Variants in LMNTD1 observed in about 807,000 individuals in gnomAD.
LMNTD1 encodes lamin tail domain-containing protein 1.
In LMNTD1, 35 loss-of-function variants were observed where a neutral mutation model predicts 50.9. That is an observed-to-expected ratio of 0.69 (90% CI 0.53 to 0.91). The LOEUF (loss-of-function observed/expected upper bound fraction) is 0.91. Ranked by LOEUF, LMNTD1 falls within the 40% of genes least tolerant of loss-of-function variation. The pLI is 0.00. For synonymous variants in LMNTD1, 153 were observed against 161.9 expected, an observed-to-expected ratio of 0.94 and a Z score of 0.42; for missense variants, 470 against 475.5, an observed-to-expected ratio of 0.99 and a Z score of 0.11.
intron 4 of LMNTD1, among the ~76,000 whole-genome samples, chr12:25,532,152 A>G (rs1565981695): frequency 1.3e-5 from 2 of 152,058 alleles, no homozygotes; most frequent in Non-Finnish European, 1.5e-5. Flanking sequence ...TCTTTTGTAT[A>G]CGTTGTTTTT....
chr12:25,534,702 A>G (rs2136140800), intron 4 of LMNTD1, among the ~76,000 whole-genome samples: 1 of 152,364 alleles, frequency 6.6e-6, no homozygotes, highest in Admixed American at 6.5e-5. Context: ...CAGTACTTGA[A>G]GCTGTCACAG....
chr12:25,621,915 C>G (rs1188630556), intron 1 of LMNTD1, among the ~76,000 whole-genome samples: 3 of 152,176 alleles, frequency 2.0e-5, no homozygotes, highest in Non-Finnish European at 4.4e-5. Flanking sequence ...ATGTGATTGC[C>G]TCCATAGTAA....
chr12:25,610,223 A>G (rs1394934565), intron 1 of LMNTD1, among the ~76,000 whole-genome samples: 1 of 152,024 alleles, frequency 6.6e-6, no homozygotes, highest in Non-Finnish European at 1.5e-5. Context: ...CAGAGTCCCA[A>G]TTTTCCCAGT....
intron 9 of LMNTD1, chr12:25,503,164 G>A (rs2135945845): frequency 6.6e-6 from 1 of 152,338 alleles, no homozygotes; most frequent in Admixed American, 6.5e-5. Context: ...ACACCACCTT[G>A]TCATTAGCTA....
At chr12:25,513,811 C>A (rs1046569850) in intron 8 of LMNTD1, among the ~76,000 whole-genome samples, 2 of 151,942 alleles carry the variant, frequency 1.3e-5, no homozygotes, top group Non-Finnish European at 2.9e-5. Flanking sequence ...GCAGTAGCAA[C>A]AATAATAACA....
chr12:25,623,189 A>G (rs1293897895), intron 1 of LMNTD1, among the ~76,000 whole-genome samples: 7 of 152,108 alleles, frequency 4.6e-5, no homozygotes, highest in Non-Finnish European at 1.0e-4. Context: ...GGGTGTTGCT[A>G]TGTTAAAGCA....
Position 25,483,329 on chromosome 12 carries a change from A to C in LMNTD1, c.*23-6869T>G, listed in dbSNP as rs553410581. ...GTCCCAGCTACTCGGGAGGCTGAGG[A>C]GGGAGGATTGCTTGAGTTCAGGGGT... On this transcript the variant is annotated intron_variant, in intron 9 of 9. Transcript: ENST00000458174. Among the ~76,000 whole-genome samples the C allele has an allele frequency of 7.2e-4, 109 of 150,724 alleles. 1 individual carries two copies. The highest frequency in any genetic ancestry group is 4.7e-4 in the Non-Finnish European group (32 of 67,426).
At chr12:25,585,919 T>C (rs149416220) in intron 1 of LMNTD1, 2 of 152,326 alleles carry the variant, frequency 1.3e-5, no homozygotes, top group African/African-American at 4.8e-5. Flanking sequence ...ATTTTACAGA[T>C]GAAGAAACTA....
intron 8 of LMNTD1, among the ~76,000 whole-genome samples, chr12:25,508,250 T>C (rs558309408): frequency 6.6e-6 from 1 of 152,334 alleles, no homozygotes; most frequent in Admixed American, 6.5e-5. Flanking sequence ...CATGTCAGTG[T>C]TCTAGAAGCA....
At chr12:25,608,445 T>C (rs538442142) in intron 1 of LMNTD1, among the ~76,000 whole-genome samples, 1 of 152,346 alleles carries the variant, frequency 6.6e-6, no homozygotes, top group East Asian at 1.9e-4. Flanking sequence ...CTTTACAATT[T>C]GGCATGTTTT....
At chr12:25,497,237 A>G (rs1056295579) in intron 9 of LMNTD1, among the ~76,000 whole-genome samples, 1 of 152,032 alleles carries the variant, frequency 6.6e-6, no homozygotes, top group Non-Finnish European at 1.5e-5. Flanking sequence ...ACTGAGGTGG[A>G]GCCTTGGGTT....
intron 1 of LMNTD1, among the ~76,000 whole-genome samples, chr12:25,581,407 A>G (rs1330391454): frequency 1.3e-5 from 2 of 152,210 alleles, no homozygotes; most frequent in Non-Finnish European, 2.9e-5. Context: ...GGGTAATGTT[A>G]TCATAGTTAT....
intron 1 of LMNTD1, among the ~76,000 whole-genome samples, chr12:25,590,448 T>A (rs1262427120): frequency 6.6e-6 from 1 of 152,108 alleles, no homozygotes; most frequent in Non-Finnish European, 1.5e-5. Context: ...CTGGGGCCCT[T>A]AATAAACTTG....
intron 1 of LMNTD1, among the ~76,000 whole-genome samples, chr12:25,610,288 G>A (rs1453277824): frequency 1.3e-5 from 2 of 152,256 alleles, no homozygotes; most frequent in South Asian, 4.1e-4. Flanking sequence ...GGCCCCTTGT[G>A]CTTCCTGGGT....
intron 8 of LMNTD1, among the ~76,000 whole-genome samples, chr12:25,511,724 G>A (rs897833030): frequency 2.3e-4 from 35 of 152,144 alleles, no homozygotes; most frequent in African/African-American, 6.5e-4. Flanking sequence ...TCATAATACA[G>A]TTGAAACTCT....
intron 2 of LMNTD1, among the ~76,000 whole-genome samples, chr12:25,552,222 C>T (rs954643095): frequency 3.9e-5 from 6 of 152,066 alleles, no homozygotes; most frequent in African/African-American, 1.2e-4. Flanking sequence ...AACATTCTTA[C>T]GGACATTTCC....
At chr12:25,604,163 A>C (rs534679680) in intron 1 of LMNTD1, among the ~76,000 whole-genome samples, 1 of 152,186 alleles carries the variant, frequency 6.6e-6, no homozygotes, top group South Asian at 2.1e-4. Context: ...AACTTTGTTT[A>C]GTTCTATTTT....
At chr12:25,505,760 GT>G (rs1334124048) in intron 8 of LMNTD1, among the ~76,000 whole-genome samples, 2 of 151,916 alleles carry the variant, frequency 1.3e-5, no homozygotes, top group African/African-American at 2.4e-5. Flanking sequence ...ACAGTAATGA[GT>G]TTTTTCTATC....
chr12:25,631,390 A>G (rs1262545197), intron 1 of LMNTD1, among the ~76,000 whole-genome samples: 1 of 152,162 alleles, frequency 6.6e-6, no homozygotes, highest in African/African-American at 2.4e-5. Flanking sequence ...CACGGAGTCC[A>G]TTGCACCCAC....
Sources: gnomAD v4.1 joint callset for allele counts (sites outside exome capture counted in the v4.1 genomes callset) on GRCh38, gnomAD v4.1.1 for gene constraint, MANE v1.5 for transcripts, NCBI Gene and HGNC (gene_info 2026-07-23, HGNC 2026-07-21) for gene names.